FAM107B: variants seen among roughly 807,000 people sequenced by gnomAD.
FAM107B encodes family with sequence similarity 107 member B, also known as protein FAM107B.
FAM107B carries 21 observed loss-of-function variants against 31.5 expected under a neutral mutation model. The observed-to-expected ratio is 0.67, with a 90% CI of 0.47 to 0.96. FAM107B has a LOEUF of 0.96. Among genes scored for constraint, FAM107B ranks in the 40% least tolerant of loss-of-function variants. The probability of loss-of-function intolerance (pLI) is 0.00; values close to 1 mark genes in which losing one functional copy is unlikely to be tolerated. For synonymous variants in FAM107B, 157 were observed against 141.5 expected (o/e 1.11, Z -0.78); for missense variants, 452 against 377.1 (o/e 1.20, Z -1.64).
intron 1 of FAM107B, among the ~76,000 whole-genome samples, chr10:14,742,328 G>C (rs923790174): frequency 6.7e-6 from 1 of 149,852 alleles, no homozygotes; most frequent in Non-Finnish European, 1.5e-5. Flanking sequence ...ATGTTGCCCA[G>C]GCTGGTGTCG....
chr10:14,548,655 G>C lies in FAM107B; in HGVS notation c.470-18140C>G, dbSNP rs928005187. ...CCAGCTGCGAAGGCAGGCACTCCCA[G>C]AAGCCCCCGGGGGCCTTCCTCCATC... is the stretch of plus-strand genomic sequence containing the variant. On this transcript the variant is annotated intron_variant, in intron 2 of 4. Coordinates refer to ENST00000181796, the MANE Select transcript of FAM107B (RefSeq NM_031453.4). 9.1e-6 allele frequency: 9 copies of C among 985,280 alleles called. No homozygotes were observed. In the African/African-American group the frequency reaches 1.6e-4, roughly 17 times the overall value. 61.0% of individuals were successfully genotyped at this position (985,280 alleles called of 1,614,324 possible).
intron 2 of FAM107B, among the ~76,000 whole-genome samples, chr10:14,576,695 T>G (rs568364605): frequency 6.6e-6 from 1 of 152,180 alleles, no homozygotes; most frequent in Non-Finnish European, 1.5e-5. Flanking sequence ...ATTCTAACAG[T>G]GCAAACACAT....
chr10:14,537,539 G>T (rs894938759), intron 2 of FAM107B, among the ~76,000 whole-genome samples: 1 of 152,276 alleles, frequency 6.6e-6, no homozygotes, highest in African/African-American at 2.4e-5. Context: ...GCTATGAAGA[G>T]TAAATAAGAA....
intron 1 of FAM107B, among the ~76,000 whole-genome samples, chr10:14,719,460 C>G (rs1376172761): frequency 6.6e-6 from 1 of 152,026 alleles, no homozygotes; most frequent in African/African-American, 2.4e-5. Flanking sequence ...GTTCTTTCAA[C>G]GAACATAAAT....
At chr10:14,614,566 G>C (rs986665041) in intron 2 of FAM107B, among the ~76,000 whole-genome samples, 2 of 151,546 alleles carry the variant, frequency 1.3e-5, no homozygotes, top group African/African-American at 4.9e-5. Context: ...CCAGCTACTC[G>C]GGAGACTGAG....
intron 1 of FAM107B, among the ~76,000 whole-genome samples, chr10:14,685,971 T>C (rs1289477363): frequency 3.3e-5 from 5 of 152,310 alleles, no homozygotes; most frequent in Admixed American, 2.6e-4. Context: ...CTCCCATTTA[T>C]AAAACCATCA....
chr10:14,585,815 C>G (rs2131322675), intron 2 of FAM107B, among the ~76,000 whole-genome samples: 1 of 152,272 alleles, frequency 6.6e-6, no homozygotes, highest in East Asian at 1.9e-4. Flanking sequence ...TTCTCTGCAA[C>G]CAAGTACTCG....
At chr10:14,587,794 G>A (rs1280604785) in intron 2 of FAM107B, among the ~76,000 whole-genome samples, 1 of 152,114 alleles carries the variant, frequency 6.6e-6, no homozygotes, top group South Asian at 2.1e-4. Flanking sequence ...CGGGAGGAGA[G>A]AGCTCTAGTC....
chr10:14,731,656 A>G (rs552868539), intron 1 of FAM107B, among the ~76,000 whole-genome samples: 8 of 152,346 alleles, frequency 5.3e-5, no homozygotes, highest in Admixed American at 4.6e-4. Context: ...GTTTGGGTCA[A>G]CAACAGACCT....
At chr10:14,551,610 C>A (rs1392691282) in intron 2 of FAM107B, among the ~76,000 whole-genome samples, 4 of 147,400 alleles carry the variant, frequency 2.7e-5, no homozygotes, top group Non-Finnish European at 4.5e-5. Flanking sequence ...TTTAAGGACA[C>A]TATTTTCCTA....
At chr10:14,600,648 G>T (rs557514009) in intron 2 of FAM107B, among the ~76,000 whole-genome samples, 3 of 152,046 alleles carry the variant, frequency 2.0e-5, no homozygotes, top group Non-Finnish European at 4.4e-5. Context: ...ATATGTATAT[G>T]TATTTTTTAG....
intron 1 of FAM107B, among the ~76,000 whole-genome samples, chr10:14,746,518 G>A (rs1413877112): frequency 6.6e-6 from 1 of 152,154 alleles, no homozygotes; most frequent in Non-Finnish European, 1.5e-5. Flanking sequence ...GCATTTGCTT[G>A]TCTGAAAAGG....
Position 14,763,959 on chromosome 10 carries a change from T to C in FAM107B, c.411+10294A>G, listed in dbSNP as rs1449326898. ...TTATTCGGCCTCTGTGTCTATGATT[T>C]TCTTGTACCACTATTCACAGTCAGG... On this transcript the variant is annotated intron_variant, in intron 1 of 4. Coordinates refer to ENST00000181796, the MANE Select transcript of FAM107B (RefSeq NM_031453.4). Among the ~76,000 whole-genome samples, 3 of 152,240 alleles carry C rather than the reference T, an allele frequency of 2.0e-5. No homozygotes were observed. The East Asian group carries it at 5.8e-4, about 29-fold the overall frequency.
intron 2 of FAM107B, among the ~76,000 whole-genome samples, chr10:14,544,482 G>A (rs573978795): frequency 1.3e-5 from 2 of 152,108 alleles, no homozygotes; most frequent in African/African-American, 4.8e-5. Flanking sequence ...CCAAATACAC[G>A]TGAAAAAAGT....
intron 2 of FAM107B, among the ~76,000 whole-genome samples, chr10:14,597,277 T>C (rs1387385770): frequency 6.6e-6 from 1 of 152,232 alleles, no homozygotes; most frequent in African/African-American, 2.4e-5. Flanking sequence ...TACTGCAAGA[T>C]TTCATAAGAC....
At chr10:14,698,602 A>C (rs1311462457) in intron 1 of FAM107B, among the ~76,000 whole-genome samples, 2 of 152,250 alleles carry the variant, frequency 1.3e-5, no homozygotes, top group Non-Finnish European at 2.9e-5. Context: ...TCATATGTGG[A>C]CATGCCGGGG....
intron 1 of FAM107B, among the ~76,000 whole-genome samples, chr10:14,681,674 T>C (rs568151633): frequency 6.6e-6 from 1 of 152,242 alleles, no homozygotes; most frequent in South Asian, 2.1e-4. Context: ...AGGACGTGGG[T>C]GCTATGATTA....
chr10:14,584,656 A>C (rs1851765784), intron 2 of FAM107B, among the ~76,000 whole-genome samples: 1 of 152,222 alleles, frequency 6.6e-6, no homozygotes, highest in African/African-American at 2.4e-5. Flanking sequence ...CCTGTGAGGC[A>C]GGAGAATAGG....
At chr10:14,680,264 T>A (rs753002508) in intron 1 of FAM107B, among the ~76,000 whole-genome samples, 64 of 151,964 alleles carry the variant, frequency 4.2e-4, no homozygotes, top group Non-Finnish European at 6.6e-4. Context: ...CAGAACCTAA[T>A]GAGGAGATCA....
Sources: gnomAD v4.1 joint callset for allele counts (sites outside exome capture counted in the v4.1 genomes callset) on GRCh38, gnomAD v4.1.1 for gene constraint, MANE v1.5 for transcripts, NCBI Gene and HGNC (gene_info 2026-07-23, HGNC 2026-07-21) for gene names.